TENM2: variants seen among roughly 807,000 people sequenced by gnomAD.
TENM2 encodes the protein teneurin transmembrane protein 2, also known as teneurin-2.
Under a neutral mutation model 245.2 loss-of-function variants are expected in TENM2, and 52 were observed. The ratio of observed to expected loss-of-function variants is 0.21; its 90% CI spans 0.17 to 0.27. TENM2 has a LOEUF of 0.27. Ranked by LOEUF, TENM2 falls within the 10% of genes least tolerant of loss-of-function variation. TENM2 has a pLI of 1.00. For missense variants in TENM2, 3,046 were observed against 3,666.8 expected, an observed-to-expected ratio of 0.83 and a Z score of 4.37; for synonymous variants, 1,363 against 1,438.9, an observed-to-expected ratio of 0.95 and a Z score of 1.19.
At chr5:168,191,366 G>T (rs57355184) in intron 14 of TENM2, among the ~76,000 whole-genome samples, 26,561 of 152,062 alleles carry the variant, frequency 0.17, 3,584 homozygotes, top group African/African-American at 0.37. Context: ...GAGAGGAGGG[G>T]TAGGAGAGGC....
chr5:167,434,019 T>C (rs1291635077), intron 2 of TENM2, among the ~76,000 whole-genome samples: 2 of 152,160 alleles, frequency 1.3e-5, no homozygotes, highest in Admixed American at 6.5e-5. Context: ...AAATTTAATA[T>C]GAAAATGAGT....
intron 1 of TENM2, among the ~76,000 whole-genome samples, chr5:167,362,706 G>A (rs1302568902): frequency 6.6e-6 from 1 of 152,158 alleles, no homozygotes; most frequent in Non-Finnish European, 1.5e-5. Context: ...TTATGGAAAA[G>A]TAAGATATTG....
At chr5:167,677,728 TTTATATACTTA>T (rs1756428506) in intron 2 of TENM2, among the ~76,000 whole-genome samples, 1 of 148,856 alleles carries the variant, frequency 6.7e-6, no homozygotes. Flanking sequence ...TAATTATATG[TTTATATACTTA>T]TTATATATTT....
chr5:167,831,506 T>A (rs1024528566), intron 2 of TENM2, among the ~76,000 whole-genome samples: 7 of 141,306 alleles, frequency 5.0e-5, no homozygotes, highest in Non-Finnish European at 9.2e-5. Context: ...TTTTTTTTTT[T>A]AAGAATACTG....
intron 1 of TENM2, among the ~76,000 whole-genome samples, chr5:167,342,721 G>A (rs1222366424): frequency 6.6e-6 from 1 of 151,526 alleles, no homozygotes. Flanking sequence ...TAGAGACGGG[G>A]TTTCACCTTG....
At chr5:167,336,515 T>TA (rs910657698) in intron 1 of TENM2, among the ~76,000 whole-genome samples, 1 of 151,842 alleles carries the variant, frequency 6.6e-6, no homozygotes, top group African/African-American at 2.4e-5. Context: ...ATCTAAGGAA[T>TA]AAAAATCACA....
intron 2 of TENM2, among the ~76,000 whole-genome samples, chr5:167,798,351 C>T (rs1765464766): frequency 1.3e-5 from 2 of 152,212 alleles, no homozygotes; most frequent in Admixed American, 1.3e-4. Flanking sequence ...AAAGAAGCTA[C>T]TGCCAGCCCC....
chr5:167,665,272 T>G (rs1349441511), intron 2 of TENM2, among the ~76,000 whole-genome samples: 2 of 152,160 alleles, frequency 1.3e-5, no homozygotes, highest in Non-Finnish European at 2.9e-5. Flanking sequence ...TGGCATACAG[T>G]AAACAAATGA....
intron 2 of TENM2, among the ~76,000 whole-genome samples, chr5:167,746,158 C>T (rs773770656): frequency 8.5e-5 from 13 of 152,258 alleles, no homozygotes; most frequent in Admixed American, 2.6e-4. Context: ...CAACCCCGTA[C>T]ACTTCGGACT....
chr5:167,675,225 T>A (rs754165086), intron 2 of TENM2, among the ~76,000 whole-genome samples: 5 of 152,140 alleles, frequency 3.3e-5, no homozygotes, highest in Non-Finnish European at 7.4e-5. Context: ...GAAGACAAAA[T>A]GTCTTGTTTC....
intron 2 of TENM2, among the ~76,000 whole-genome samples, chr5:167,507,164 A>G (rs1478971001): frequency 6.6e-6 from 1 of 152,180 alleles, no homozygotes; most frequent in African/African-American, 2.4e-5. Flanking sequence ...GATTTCAGAT[A>G]AATAGAATCG....
the TENM2 span, among the ~76,000 whole-genome samples, chr5:167,278,522 ACTTC>A: frequency 9.9e-5 from 15 of 151,496 alleles, no homozygotes; most frequent in Non-Finnish European, 1.9e-4. Flanking sequence ...TATTTTTCCC[ACTTC>A]CTTATGGGTT....
intron 2 of TENM2, among the ~76,000 whole-genome samples, chr5:167,512,426 T>C (rs1770029959): frequency 1.3e-5 from 2 of 152,164 alleles, no homozygotes; most frequent in South Asian, 4.1e-4. Context: ...ACACTGATGC[T>C]AAGGTGCATG....
At chr5:167,385,442 G>A (rs1235265928) in intron 2 of TENM2, among the ~76,000 whole-genome samples, 1 of 139,332 alleles carries the variant, frequency 7.2e-6, no homozygotes, top group African/African-American at 2.6e-5. Flanking sequence ...CATCTTTATT[G>A]TATTTTTTAA....
chr5:168,011,650 C>T (rs1046127650), intron 5 of TENM2, among the ~76,000 whole-genome samples: 2 of 152,080 alleles, frequency 1.3e-5, no homozygotes, highest in Non-Finnish European at 2.9e-5. Flanking sequence ...CTTTTTATGT[C>T]CATGGCCCTC....
chr5:167,728,800 G>C (rs1760218594), intron 2 of TENM2: 1 of 152,340 alleles, frequency 6.6e-6, no homozygotes, highest in Non-Finnish European at 1.5e-5. Flanking sequence ...GAACCACAAG[G>C]GTTCCTGGGC....
intron 9 of TENM2, among the ~76,000 whole-genome samples, chr5:168,109,087 C>T (rs1794473709): frequency 1.3e-5 from 2 of 152,152 alleles, no homozygotes; most frequent in Admixed American, 1.3e-4. Flanking sequence ...TTAATGCAGA[C>T]AGGCCATGGA....
At chr5:167,744,189 T>C (rs1374548892) in intron 2 of TENM2, among the ~76,000 whole-genome samples, 1 of 152,212 alleles carries the variant, frequency 6.6e-6, no homozygotes, top group Non-Finnish European at 1.5e-5. Flanking sequence ...TATTTGGAGA[T>C]TCTGAGTATA....
At position 168,218,139 on chromosome 5, in the gene TENM2, G is replaced by C; in HGVS notation, c.4248G>C (p.Trp1416Cys). ...GTCATCCACAGGTTCGTCTGGAGTG[G>C]CCAACAGACCTTGCTGTCAATCCCA... Residue 1416 changes from tryptophan (W) to cysteine (C), a missense_variant, in exon 23 of 29, where the codon TGG becomes TGC. Trp to Cys is a radical substitution (Grantham distance 215). Transcript: ENST00000518659. This position sits in a 1 kb window ranked among gnomAD's most constrained non-coding sequence, Gnocchi z 5.2. 1.9e-6 allele frequency: 3 copies of C among 1,612,456 alleles called. No individual in the cohort carries two copies. The highest frequency in any genetic ancestry group is 8.5e-7 in the Non-Finnish European group (1 of 1,178,818).
Sources: allele counts gnomAD v4.1 joint callset (sites outside exome capture counted in the v4.1 genomes callset), GRCh38; gene constraint gnomAD v4.1.1; non-coding constraint Gnocchi (gnomAD v3.1); transcripts MANE v1.5; gene names NCBI Gene and HGNC (gene_info 2026-07-23, HGNC 2026-07-21).